The following FAM169A variants were observed in gnomAD, a reference collection of about 807,000 sequenced individuals.
FAM169A encodes the protein soluble lamin-associated protein of 75 kDa.
In FAM169A, 24 loss-of-function variants were observed where a neutral mutation model predicts 75.7. The ratio of observed to expected loss-of-function variants is 0.32; its 90% CI spans 0.23 to 0.45. FAM169A has a LOEUF of 0.45. Among genes scored for constraint, FAM169A ranks in the 20% least tolerant of loss-of-function variants. The pLI is 1.00. For missense variants in FAM169A, 673 were observed against 784.0 expected (o/e 0.86, Z 1.69); for synonymous variants, 271 against 271.0 (o/e 1.00, Z 0.00).
intron 1 of FAM169A, among the ~76,000 whole-genome samples, chr5:74,848,010 C>G (rs1749248758): frequency 6.6e-6 from 1 of 152,102 alleles, no homozygotes; most frequent in Non-Finnish European, 1.5e-5. Context: ...CTGTATCCAT[C>G]ATAGCTTTTA....
intron 6 of FAM169A, among the ~76,000 whole-genome samples, chr5:74,810,268 A>T (rs967922827): frequency 6.6e-6 from 1 of 152,198 alleles, no homozygotes; most frequent in African/African-American, 2.4e-5. Flanking sequence ...TCTAAGTGGT[A>T]CTGACAGAAA....
chr5:74,805,400 A>T lies in FAM169A; in HGVS notation c.671-116T>A. 4 of 753,940 alleles carry T rather than the reference A, an allele frequency of 5.3e-6. 1 individual carries two copies. The South Asian group carries it at 8.5e-5, about 16-fold the overall frequency. The allele number at this position is 753,940 out of a possible 1,614,324, so 46.7% of individuals were successfully genotyped here. On this transcript the variant is annotated intron_variant, in intron 6 of 12. Coordinates refer to ENST00000687041, the MANE Select transcript of FAM169A (RefSeq NM_001376049.1). ...ACGGGGCTAGCATAACCTTGATACC[A>T]AAACACCAGCAACACAACTCAAGTA...
intron 1 of FAM169A, among the ~76,000 whole-genome samples, chr5:74,855,933 T>C (rs1186511829): frequency 6.6e-6 from 1 of 152,268 alleles, no homozygotes; most frequent in African/African-American, 2.4e-5. Context: ...TTTCAGTTTT[T>C]AATCCATTTT....
At chr5:74,854,467 C>A (rs915646621) in intron 1 of FAM169A, among the ~76,000 whole-genome samples, 1 of 152,084 alleles carries the variant, frequency 6.6e-6, no homozygotes, top group African/African-American at 2.4e-5. Context: ...ACAAACAACC[C>A]AATCACACTT....
At chr5:74,800,313 A>G (rs926905340) in intron 10 of FAM169A, among the ~76,000 whole-genome samples, 2 of 152,104 alleles carry the variant, frequency 1.3e-5, no homozygotes, top group African/African-American at 4.8e-5. Flanking sequence ...TTTTCTTTTA[A>G]GTAGTTTATT....
At chr5:74,827,103 T>C (rs1268340779) in intron 5 of FAM169A, among the ~76,000 whole-genome samples, 1 of 152,208 alleles carries the variant, frequency 6.6e-6, no homozygotes, top group African/African-American at 2.4e-5. Flanking sequence ...TATCATGGGA[T>C]ACATGATGTT....
chr5:74,818,995 G>A (rs545726606), intron 5 of FAM169A, among the ~76,000 whole-genome samples: 71 of 152,208 alleles, frequency 4.7e-4, no homozygotes, highest in Admixed American at 1.6e-3. Context: ...CAAGGTGGGC[G>A]GATCACCTGT....
At chr5:74,806,566 T>C (rs1421280687) in intron 6 of FAM169A, among the ~76,000 whole-genome samples, 1 of 152,198 alleles carries the variant, frequency 6.6e-6, no homozygotes, top group Non-Finnish European at 1.5e-5. Context: ...ATATCAGGAC[T>C]GTGCAACAGA....
chr5:74,846,149 TTTA>T, intron 1 of FAM169A, among the ~76,000 whole-genome samples: 1 of 152,322 alleles, frequency 6.6e-6, no homozygotes, highest in African/African-American at 2.4e-5. Flanking sequence ...CACTAAGACA[TTTA>T]TTATACCATA....
In FAM169A at chr5:74,800,553, T is replaced by C. The variant is rs552851370; in HGVS notation, c.1103+327A>G. Among the ~76,000 whole-genome samples the C allele has an allele frequency of 3.4e-4, 51 of 152,144 alleles. 1 individual carries two copies. In the South Asian group the frequency reaches 9.9e-3, roughly 30 times the overall value. On this transcript the variant is annotated intron_variant, in intron 10 of 12. Transcript: ENST00000687041. Reference sequence around the variant, plus strand: ...GAAGTGAGTTTATGCCAGTCTCTTATTAGCAGCTTCTCCCAATAGCATTGT... The same window carrying C: ...GAAGTGAGTTTATGCCAGTCTCTTACTAGCAGCTTCTCCCAATAGCATTGT...
At chr5:74,847,499 A>G (rs561835272) in intron 1 of FAM169A, among the ~76,000 whole-genome samples, 3 of 152,304 alleles carry the variant, frequency 2.0e-5, no homozygotes, top group South Asian at 2.1e-4. Context: ...TATTAACCCT[A>G]AACTATTAAG....
In FAM169A at chr5:74,780,290, T is replaced by C. The variant is rs999128188; in HGVS notation, c.*1170A>G. The C allele has an allele frequency of 6.6e-6, 1 of 152,262 alleles. No individual in the cohort carries two copies. Among genetic ancestry groups the C allele is most frequent in the Non-Finnish European group, 1.5e-5 (1 of 68,088 alleles). 9.4% of individuals were successfully genotyped at this position (152,262 alleles called of 1,614,324 possible). On this transcript the variant is annotated 3_prime_UTR_variant, in exon 13 of 13. Coordinates refer to ENST00000687041, the MANE Select transcript of FAM169A (RefSeq NM_001376049.1). ...CCAAAGGCAGTTTACCCCTGCCATATAGGTCTAACACTGGGGGCAGTTTTA... is the reference window on the plus strand; with the variant it reads ...CCAAAGGCAGTTTACCCCTGCCATACAGGTCTAACACTGGGGGCAGTTTTA...
chr5:74,782,979 T>A lies in FAM169A; in HGVS notation c.1416A>T (p.Pro472=). ...GGGGTTTTGAAGATTCTACCACCAG[T>A]GGAACAAGATTTGTAGAGTCTTCAC... ...NSSEDSTNLV[P]LVVESSKPPE... Residue 472 remains proline (P), a synonymous_variant, in exon 12 of 13, where the codon CCA becomes CCT. Transcript: ENST00000687041. 1 of 1,614,010 alleles carries A rather than the reference T, an allele frequency of 6.2e-7. No homozygotes were observed.
intron 6 of FAM169A, among the ~76,000 whole-genome samples, chr5:74,806,823 T>C (rs1305777337): frequency 6.6e-6 from 1 of 152,124 alleles, no homozygotes; most frequent in African/African-American, 2.4e-5. Context: ...AAGACAAAGT[T>C]ATCCCAAAGA....
intron 1 of FAM169A, among the ~76,000 whole-genome samples, chr5:74,856,878 G>A (rs780212067): frequency 6.6e-6 from 1 of 151,364 alleles, no homozygotes; most frequent in African/African-American, 2.4e-5. Flanking sequence ...TGGAGGCCGA[G>A]GTGGGCAGAT....
upstream of FAM169A, chr5:74,866,848 G>C: frequency 1.0e-6 from 1 of 985,512 alleles, no homozygotes; most frequent in Non-Finnish European, 1.2e-6. Flanking sequence ...TCCCGGCCTC[G>C]GGACAGGGGT....
At chr5:74,843,839 T>C (rs1351721378) in intron 1 of FAM169A, among the ~76,000 whole-genome samples, 1 of 152,226 alleles carries the variant, frequency 6.6e-6, no homozygotes, top group African/African-American at 2.4e-5. Context: ...CTGCATGAGC[T>C]TTCTGGTAGA....
intron 1 of FAM169A, among the ~76,000 whole-genome samples, chr5:74,851,568 C>T (rs768625643): frequency 8.5e-5 from 13 of 152,076 alleles, no homozygotes; most frequent in Non-Finnish European, 1.8e-4. Flanking sequence ...AAAAGCCTAA[C>T]AATAAATTAA....
intron 5 of FAM169A, among the ~76,000 whole-genome samples, chr5:74,826,787 T>C (rs988867227): frequency 6.6e-6 from 1 of 152,194 alleles, no homozygotes; most frequent in Non-Finnish European, 1.5e-5. Context: ...TATAATACTG[T>C]TAGCTAAACT....
Sources: allele counts gnomAD v4.1 joint callset (sites outside exome capture counted in the v4.1 genomes callset), GRCh38; gene constraint gnomAD v4.1.1; transcripts MANE v1.5; gene names NCBI Gene and HGNC (gene_info 2026-07-23, HGNC 2026-07-21).